Variants in SGCD observed in about 807,000 individuals in gnomAD.
SGCD encodes the protein delta-sarcoglycan.
In SGCD, 18 loss-of-function variants were observed where a neutral mutation model predicts 36.6. The observed-to-expected ratio is 0.49, with a 90% CI of 0.34 to 0.73. SGCD has a LOEUF of 0.73. Among genes scored for constraint, SGCD ranks in the 30% least tolerant of loss-of-function variants. The pLI, the probability that SGCD is intolerant of heterozygous loss-of-function variation, is 0.01. For synonymous variants in SGCD, 133 were observed against 130.6 expected, an observed-to-expected ratio of 1.02 and a Z score of -0.12; for missense variants, 387 against 346.7, an observed-to-expected ratio of 1.12 and a Z score of -0.92.
intron 3 of SGCD, among the ~76,000 whole-genome samples, chr5:156,182,844 G>A (rs909573549): frequency 6.6e-6 from 1 of 152,316 alleles, no homozygotes; most frequent in Middle Eastern, 3.4e-3. Context: ...AACATATGCA[G>A]AGGATGCAAG....
At chr5:156,525,190 C>T (rs1307718854) in intron 4 of SGCD, among the ~76,000 whole-genome samples, 3 of 152,028 alleles carry the variant, frequency 2.0e-5, no homozygotes, top group Non-Finnish European at 4.4e-5. Context: ...TTTCAACCAA[C>T]AATACAAAAA....
chr5:156,736,613 A>G (rs537707769), intron 7 of SGCD, among the ~76,000 whole-genome samples: 6 of 152,282 alleles, frequency 3.9e-5, no homozygotes, highest in African/African-American at 1.4e-4. Flanking sequence ...TTGAAGCCAG[A>G]TAGTCCTGGT....
At chr5:156,409,505 G>T (rs564674432) in intron 3 of SGCD, among the ~76,000 whole-genome samples, 10 of 152,058 alleles carry the variant, frequency 6.6e-5, no homozygotes, top group Admixed American at 6.6e-4. Context: ...CCCCGGGCCC[G>T]GCTGGGCCCT....
At chr5:155,868,084 C>A (rs1028389718), upstream of SGCD, among the ~76,000 whole-genome samples, 1 of 151,776 alleles carries the variant, frequency 6.6e-6, no homozygotes, top group Non-Finnish European at 1.5e-5. Flanking sequence ...TGGAGTCTTG[C>A]TCTGTCGCCC....
In SGCD at chr5:156,320,404, A is replaced by G. The variant is rs187949659; in HGVS notation, c.-43-9130A>G. 2.6e-5 allele frequency among the ~76,000 whole-genome samples: 4 copies of G among 152,322 alleles called. 1 individual carries two copies. The highest frequency in any genetic ancestry group is 2.6e-4 in the Admixed American group (4 of 15,294). ...TGATCAATAAATTTTATTTCCAAAT[A>G]AAAATGTGATATTTCAAGAGCTTAC... On this transcript the variant is annotated intron_variant, in intron 3 of 9. Transcript: ENST00000517913.
intron 3 of SGCD, among the ~76,000 whole-genome samples, chr5:156,308,360 G>A (rs577665817): frequency 4.6e-5 from 7 of 151,260 alleles, no homozygotes; most frequent in East Asian, 2.0e-4. Flanking sequence ...TTGCAGTGGC[G>A]CAATCTCGGC....
chr5:156,703,431 C>T (rs1484359896), intron 7 of SGCD, among the ~76,000 whole-genome samples: 4 of 148,832 alleles, frequency 2.7e-5, no homozygotes, highest in Non-Finnish European at 5.9e-5. Context: ...CCTGGAATTT[C>T]CTTCCTACCA....
At chr5:155,895,722 G>A (rs952809368) in intron 1 of SGCD, among the ~76,000 whole-genome samples, 5 of 151,144 alleles carry the variant, frequency 3.3e-5, no homozygotes, top group Non-Finnish European at 4.4e-5. Context: ...ACATTTAAAT[G>A]TCATCTAAGT....
intron 3 of SGCD, among the ~76,000 whole-genome samples, chr5:156,357,879 C>G (rs910423083): frequency 3.1e-4 from 47 of 152,098 alleles, no homozygotes; most frequent in African/African-American, 1.1e-3. Context: ...GGTCAACCCC[C>G]CAACTTTAGA....
At chr5:156,383,285 C>G (rs1474124656) in intron 3 of SGCD, among the ~76,000 whole-genome samples, 1 of 152,060 alleles carries the variant, frequency 6.6e-6, no homozygotes, top group African/African-American at 2.4e-5. Flanking sequence ...AGGCAGATCA[C>G]TTGAGGTCAG....
rs888134163 is a variant in SGCD at position 156,762,783 on chromosome 5, T to A, written c.*3393T>A. 2 of 152,408 alleles carry A rather than the reference T, an allele frequency of 1.3e-5. No homozygotes were observed. The highest frequency in any genetic ancestry group is 4.8e-5 in the African/African-American group (2 of 41,456). 9.4% of individuals were successfully genotyped at this position (152,408 alleles called of 1,614,324 possible). A position where few individuals can be genotyped will look rare whatever the true frequency, so the allele number is the denominator to read the frequency against. Reference sequence around the variant, plus strand: ...CCCACAAAGCATAGATTACTTACTATTTAGTCCTTTACAGGCAAAGTTTCC... The same window carrying A: ...CCCACAAAGCATAGATTACTTACTAATTAGTCCTTTACAGGCAAAGTTTCC... On this transcript the variant is annotated 3_prime_UTR_variant, in exon 9 of 9. Coordinates refer to ENST00000337851, the MANE Select transcript of SGCD (RefSeq NM_000337.6).
chr5:156,034,202 A>G (rs1445536990), intron 1 of SGCD, among the ~76,000 whole-genome samples: 1 of 152,234 alleles, frequency 6.6e-6, no homozygotes, highest in African/African-American at 2.4e-5. Context: ...GCTGAAAGAT[A>G]TGCAGGTGTT....
At chr5:156,513,548 C>T (rs1045446235) in intron 4 of SGCD, among the ~76,000 whole-genome samples, 2 of 152,186 alleles carry the variant, frequency 1.3e-5, no homozygotes, top group Non-Finnish European at 2.9e-5. Flanking sequence ...AGATCAGTGT[C>T]CAGTTGAGCA....
At chr5:155,949,788 C>T (rs892587837) in intron 1 of SGCD, among the ~76,000 whole-genome samples, 2 of 152,034 alleles carry the variant, frequency 1.3e-5, no homozygotes, top group Non-Finnish European at 1.5e-5. Flanking sequence ...TCACCTGGCC[C>T]GCAAAGCTGA....
intron 3 of SGCD, among the ~76,000 whole-genome samples, chr5:156,424,496 G>T (rs1417417666): frequency 6.6e-6 from 1 of 152,036 alleles, no homozygotes; most frequent in African/African-American, 2.4e-5. Flanking sequence ...CCTGATACAG[G>T]AAACCATTCC....
chr5:156,222,144 C>T (rs756195782), intron 3 of SGCD, among the ~76,000 whole-genome samples: 2 of 151,882 alleles, frequency 1.3e-5, no homozygotes, highest in South Asian at 2.1e-4. Context: ...TAGAAGAGGC[C>T]GCTTCTAAAA....
At chr5:156,141,859 C>A (rs1762589778) in intron 3 of SGCD, among the ~76,000 whole-genome samples, 1 of 152,184 alleles carries the variant, frequency 6.6e-6, no homozygotes, top group African/African-American at 2.4e-5. Flanking sequence ...AGGAAATAAT[C>A]TTCAAACTAG....
chr5:156,471,208 T>C (rs1754947302), intron 3 of SGCD, among the ~76,000 whole-genome samples: 1 of 152,028 alleles, frequency 6.6e-6, no homozygotes, highest in South Asian at 2.1e-4. Context: ...GAGCAGAAAA[T>C]TCCATATTTT....
intron 1 of SGCD, among the ~76,000 whole-genome samples, chr5:155,951,054 G>A (rs907815262): frequency 6.6e-6 from 1 of 152,146 alleles, no homozygotes. Flanking sequence ...CAGTGAGAGG[G>A]TCAGAGACAC....
Sources: gnomAD v4.1 joint callset for allele counts (sites outside exome capture counted in the v4.1 genomes callset) on GRCh38, gnomAD v4.1.1 for gene constraint, MANE v1.5 for transcripts, NCBI Gene and HGNC (gene_info 2026-07-23, HGNC 2026-07-21) for gene names.